The following PLAC1 variants were observed in gnomAD, a reference collection of about 807,000 sequenced individuals.
The protein encoded by PLAC1 is placenta associated 1.
For missense variants in PLAC1, 136 were observed against 163.2 expected (o/e 0.83, Z 0.91); for synonymous variants, 68 against 62.1 (o/e 1.09, Z -0.44).
intron 1 of PLAC1, among the ~76,000 whole-genome samples, chrX:134,759,917 G>A (rs1316532069): frequency 2.7e-5 from 3 of 111,384 alleles, no homozygotes; most frequent in Admixed American, 1.9e-4. Flanking sequence ...ACTGGGAAGG[G>A]TGAATCGGGG....
intron 2 of PLAC1, among the ~76,000 whole-genome samples, chrX:134,711,607 C>T (rs1426124623): frequency 8.9e-6 from 1 of 112,043 alleles, no homozygotes; most frequent in Non-Finnish European, 1.9e-5. Context: ...AGCCAGTGCT[C>T]AGAATTTTAA....
At chrX:134,579,369 A>C (rs2077962524) in intron 2 of PLAC1, among the ~76,000 whole-genome samples, 1 of 111,888 alleles carries the variant, frequency 8.9e-6, no homozygotes, top group Non-Finnish European at 1.9e-5. Flanking sequence ...AACTCAGAGA[A>C]AAATGGCCAG....
At chrX:134,721,242 G>C (rs1254884791) in intron 2 of PLAC1, among the ~76,000 whole-genome samples, 1 of 112,261 alleles carries the variant, frequency 8.9e-6, no homozygotes, top group African/African-American at 3.2e-5. Context: ...AAACCACAAA[G>C]AGATACCTAG....
intron 1 of PLAC1, chrX:134,651,212 G>T: frequency 4.6e-6 from 1 of 218,667 alleles, no homozygotes; most frequent in East Asian, 1.1e-4. Flanking sequence ...CGTACCATGC[G>T]ATCTTGAGGA....
At chrX:134,693,262 A>G (rs2078550364) in intron 2 of PLAC1, among the ~76,000 whole-genome samples, 1 of 111,022 alleles carries the variant, frequency 9.0e-6, no homozygotes, top group Admixed American at 9.6e-5. Flanking sequence ...AGTATTACCC[A>G]TATCTCACCA....
chrX:134,636,694 G>C (rs1002165183), intron 1 of PLAC1, among the ~76,000 whole-genome samples: 1 of 112,389 alleles, frequency 8.9e-6, no homozygotes, highest in African/African-American at 3.2e-5. Context: ...TTCTCTGACA[G>C]ACCAAGGTCC....
upstream of PLAC1, among the ~76,000 whole-genome samples, chrX:134,662,716 G>A (rs2078420712): frequency 8.9e-6 from 1 of 112,201 alleles, no homozygotes. Context: ...GATTGCTCGA[G>A]CCCAGGAGTT....
At chrX:134,629,444 C>CATTATT (rs760396354) in intron 1 of PLAC1, among the ~76,000 whole-genome samples, 2 of 110,646 alleles carry the variant, frequency 1.8e-5, no homozygotes, top group Non-Finnish European at 3.8e-5. Context: ...CAGGCGGTCC[C>CATTATT]ATTATTATTA....
At chrX:134,727,214 G>A (rs2078677242) in intron 2 of PLAC1, among the ~76,000 whole-genome samples, 1 of 111,868 alleles carries the variant, frequency 8.9e-6, no homozygotes. Flanking sequence ...GAAGGAAAGG[G>A]CTAGTGGCAT....
At chrX:134,619,782 T>C (rs1033446798) in intron 1 of PLAC1, among the ~76,000 whole-genome samples, 18 of 112,380 alleles carry the variant, frequency 1.6e-4, no homozygotes, top group Non-Finnish European at 3.4e-4. Flanking sequence ...ATTTGCTTTA[T>C]GAAAATTTTG....
In PLAC1 at chrX:134,653,160, C is replaced by T. The variant is rs542008933; in HGVS notation, c.-131+5168G>A. On this transcript the variant is annotated intron_variant, in intron 1 of 2. Coordinates refer to ENST00000359237, the MANE Select transcript of PLAC1 (RefSeq NM_021796.4). ...AGAGTCCTGGCCCAGGCCCCTCATA[C>T]ACTCTCCCCAGGCCCTCTCCTCAGG... Among the ~76,000 whole-genome samples, 95 of 112,464 alleles carry T rather than the reference C, an allele frequency of 8.4e-4. No individual in the cohort carries two copies. The Middle Eastern group carries it at 0.051, about 61-fold the overall frequency.
intron 1 of PLAC1, among the ~76,000 whole-genome samples, chrX:134,751,384 A>T (rs943888232): frequency 1.8e-5 from 2 of 109,883 alleles, no homozygotes; most frequent in African/African-American, 6.6e-5. Flanking sequence ...ATCACCATCA[A>T]CAACAACAAC....
chrX:134,618,696 G>A (rs191833660), intron 1 of PLAC1, among the ~76,000 whole-genome samples: 5 of 111,966 alleles, frequency 4.5e-5, no homozygotes, highest in East Asian at 2.8e-4. Flanking sequence ...GATTACAGGC[G>A]TGAGCCACCA....
At chrX:134,756,086 C>T (rs1259221635) in intron 1 of PLAC1, among the ~76,000 whole-genome samples, 5 of 108,621 alleles carry the variant, frequency 4.6e-5, no homozygotes, top group Middle Eastern at 4.8e-3. Context: ...CTCCTGTCCT[C>T]GAGATCCGCC....
At chrX:134,704,511 T>G in intron 2 of PLAC1, among the ~76,000 whole-genome samples, 1 of 84,954 alleles carries the variant, frequency 1.2e-5, no homozygotes. Flanking sequence ...AAAAACAAAA[T>G]AACAACAACA....
chrX:134,655,729 T>C (rs1470150747), intron 1 of PLAC1, among the ~76,000 whole-genome samples: 2 of 112,315 alleles, frequency 1.8e-5, no homozygotes, highest in African/African-American at 3.2e-5. Flanking sequence ...TCTGAATTTG[T>C]CTGTTTTCTT....
intron 2 of PLAC1, among the ~76,000 whole-genome samples, chrX:134,573,784 C>T (rs1479565624): frequency 9.0e-6 from 1 of 111,565 alleles, no homozygotes; most frequent in Non-Finnish European, 1.9e-5. Flanking sequence ...TTTTCACTGA[C>T]TTGACCAGAA....
At chrX:134,723,507 T>C (rs1392401580) in intron 2 of PLAC1, among the ~76,000 whole-genome samples, 1 of 109,053 alleles carries the variant, frequency 9.2e-6, no homozygotes, top group African/African-American at 3.3e-5. Flanking sequence ...GATACGGGGC[T>C]CTCTCTATGT....
At chrX:134,580,324 C>T (rs191678488) in intron 2 of PLAC1, among the ~76,000 whole-genome samples, 1 of 111,999 alleles carries the variant, frequency 8.9e-6, no homozygotes, top group Non-Finnish European at 1.9e-5. Flanking sequence ...TATATTGAGA[C>T]ACTGTATTAC....
Sources: gnomAD v4.1 joint callset for allele counts (sites outside exome capture counted in the v4.1 genomes callset) on GRCh38, gnomAD v4.1.1 for gene constraint, MANE v1.5 for transcripts, NCBI Gene and HGNC (gene_info 2026-07-23, HGNC 2026-07-21) for gene names.